The following RGS3 variants were observed in gnomAD, a reference collection of about 807,000 sequenced individuals.
RGS3 encodes regulator of G protein signaling 3, also known as regulator of G-protein signalling 3.
RGS3 carries 80 observed loss-of-function variants against 132.6 expected under a neutral mutation model. The observed-to-expected ratio is 0.60, with a 90% CI of 0.50 to 0.73. The LOEUF is 0.73. Among genes scored for constraint, RGS3 ranks in the 30% least tolerant of loss-of-function variants. The pLI is 0.00. For missense variants in RGS3, 1,382 were observed against 1,530.8 expected, an observed-to-expected ratio of 0.90 and a Z score of 1.62; for synonymous variants, 598 against 620.6, an observed-to-expected ratio of 0.96 and a Z score of 0.54.
rs971366874 is a variant in RGS3 at position 113,591,375 on chromosome 9, C to T, written c.3058C>T (p.Arg1020Trp). 4 of 1,613,628 alleles carry T rather than the reference C, an allele frequency of 2.5e-6. No homozygotes were observed. Among genetic ancestry groups the T allele is most frequent in the African/African-American group, 2.7e-5 (2 of 75,020 alleles). Reference sequence around the variant, plus strand: ...CGTTGGGGATGATGACGAAGCCTCCCGGAAGAGAAAGAGCAAAAACCTGTA... The same window carrying T: ...CGTTGGGGATGATGACGAAGCCTCCTGGAAGAGAAAGAGCAAAAACCTGTA... Residue 1020 changes from arginine to tryptophan, a missense_variant, in exon 21 of 25, where the codon CGG (arginine) becomes TGG (tryptophan). Transcript: ENST00000350696. This position sits in a 1 kb window ranked among gnomAD's most constrained non-coding sequence, Gnocchi z 4.4.
intron 16 of RGS3, among the ~76,000 whole-genome samples, chr9:113,521,061 TAAG>T (rs1831929913): frequency 6.6e-6 from 1 of 152,160 alleles, no homozygotes; most frequent in Non-Finnish European, 1.5e-5. Context: ...GTGTTATTTA[TAAG>T]TGAGGATCCA....
intron 9 of RGS3, 84 bp from the exon 8 acceptor site, chr9:113,497,941 C>T: frequency 7.0e-7 from 1 of 1,433,354 alleles, no homozygotes; most frequent in East Asian, 2.3e-5. Context: ...GGGCCTGTTT[C>T]CCAGTGCTGT....
exon 20 of RGS3, chr9:113,583,515 C>G (rs111638489): frequency 6.2e-7 from 1 of 1,614,170 alleles, no homozygotes; most frequent in South Asian, 1.1e-5. Context: ...GGCCTGGTGC[C>G]GAGGATTCCC....
intron 15 of RGS3, among the ~76,000 whole-genome samples, chr9:113,515,295 T>C (rs1181400542): frequency 1.3e-5 from 2 of 151,038 alleles, no homozygotes; most frequent in African/African-American, 4.9e-5. Flanking sequence ...CCTCTTCTTC[T>C]TCCCCCTTTT....
intron 19 of RGS3, chr9:113,541,513 A>T: frequency 6.4e-7 from 1 of 1,553,962 alleles, no homozygotes; most frequent in Non-Finnish European, 8.7e-7. Context: ...CCTCAACTGG[A>T]CCTGAAACAG....
intron 1 of RGS3, among the ~76,000 whole-genome samples, chr9:113,450,807 G>A (rs1829223244): frequency 6.6e-6 from 1 of 152,148 alleles, no homozygotes; most frequent in African/African-American, 2.4e-5. Context: ...ACTGTGAATA[G>A]GCAAGTGGTC....
intron 3 of RGS3, among the ~76,000 whole-genome samples, chr9:113,473,575 C>T (rs1829901953): frequency 6.6e-6 from 1 of 152,110 alleles, no homozygotes; most frequent in Admixed American, 6.6e-5. Context: ...TTTGGAGAGA[C>T]AGAGTCTTGC....
In RGS3 at chr9:113,507,357, G is replaced by A. The variant is rs749765337; in HGVS notation, c.1156G>A (p.Gly386Arg). The A allele has an allele frequency of 8.1e-6, 13 of 1,613,844 alleles. No individual in the cohort carries two copies. Among genetic ancestry groups the A allele is most frequent in the Admixed American group, 3.3e-5 (2 of 60,006 alleles). ...CCAGGTCAAGCCAGGACCAGATGGC[G>A]GGGTCCTGCGGCGGGCCTCCTGCAA... Residue 386 changes from glycine (G) to arginine (R), a missense_variant, in exon 13 of 25, where the codon GGG (glycine) becomes AGG (arginine). Coordinates refer to ENST00000350696, the Ensembl canonical transcript of RGS3. This position sits in a 1 kb window ranked among gnomAD's most constrained non-coding sequence, Gnocchi z 5.0.
intron 19 of RGS3, chr9:113,564,965 C>A: frequency 1.2e-5 from 12 of 1,019,746 alleles, no homozygotes; most frequent in Non-Finnish European, 1.3e-5. Context: ...TTGCAGGGAG[C>A]GGCTGCCAGC....
At chr9:113,497,360 C>T (rs1300748072) in exon 9 of RGS3, 1 of 1,613,594 alleles carries the variant, frequency 6.2e-7, no homozygotes, top group Non-Finnish European at 8.5e-7. Flanking sequence ...CTGGGCCGGA[C>T]CAAGCACTTG....
chr9:113,505,033 A>G (rs900658003), intron 10 of RGS3: 7 of 194,208 alleles, frequency 3.6e-5, no homozygotes, highest in Non-Finnish European at 2.2e-5. Context: ...GCCCCAGGCT[A>G]ACGCTCTGTG....
intron 3 of RGS3, among the ~76,000 whole-genome samples, chr9:113,476,941 G>C (rs1830010394): frequency 6.6e-6 from 1 of 152,130 alleles, no homozygotes; most frequent in African/African-American, 2.4e-5. Flanking sequence ...ACAGGTAGTA[G>C]TTTCAGAAAA....
chr9:113,481,037 T>G (rs1411104350), intron 4 of RGS3, among the ~76,000 whole-genome samples: 1 of 152,274 alleles, frequency 6.6e-6, no homozygotes, highest in Non-Finnish European at 1.5e-5. Context: ...TGCTGTTCAC[T>G]GTGCCTGGAA....
At chr9:113,515,641 GAAAC>G (rs1831620319) in intron 15 of RGS3, among the ~76,000 whole-genome samples, 1 of 151,390 alleles carries the variant, frequency 6.6e-6, no homozygotes, top group Non-Finnish European at 1.5e-5. Flanking sequence ...AAAAAAAAAA[GAAAC>G]AAAACAAAAA....
intron 14 of RGS3, 118 bp downstream of exon 12, chr9:113,508,698 T>C (rs942895935): frequency 9.5e-6 from 9 of 943,782 alleles, no homozygotes; most frequent in Non-Finnish European, 1.5e-5. Flanking sequence ...TCAGGTCACT[T>C]AGCCTATCGA....
At chr9:113,589,357 A>T (rs1283294332) in intron 20 of RGS3, 1 of 152,228 alleles carries the variant, frequency 6.6e-6, no homozygotes, top group Non-Finnish European at 1.5e-5. Context: ...TCCTTGGCTC[A>T]CAGGCTCTTT....
intron 1 of RGS3, among the ~76,000 whole-genome samples, chr9:113,445,395 C>G (rs928177977): frequency 6.6e-6 from 1 of 151,992 alleles, no homozygotes. Context: ...GACGGGGTTT[C>G]TCCATGTTGG....
intron 14 of RGS3, among the ~76,000 whole-genome samples, chr9:113,511,403 A>C (rs1247655190): frequency 7.4e-6 from 1 of 134,576 alleles, no homozygotes; most frequent in Non-Finnish European, 1.7e-5. Flanking sequence ...TACTGTTCTA[A>C]AAAAAAAAAA....
intron 20 of RGS3, among the ~76,000 whole-genome samples, chr9:113,584,960 G>C (rs1039636438): frequency 6.6e-6 from 1 of 152,260 alleles, no homozygotes; most frequent in African/African-American, 2.4e-5. Context: ...AGGTTACACA[G>C]TGTATCAGTG....
Sources: allele counts gnomAD v4.1 joint callset (sites outside exome capture counted in the v4.1 genomes callset), GRCh38; gene constraint gnomAD v4.1.1; non-coding constraint Gnocchi (gnomAD v3.1); transcripts MANE v1.5; gene names NCBI Gene and HGNC (gene_info 2026-07-23, HGNC 2026-07-21).